Variants in PMPCB observed in about 807,000 individuals in gnomAD.
PMPCB encodes peptidase, mitochondrial processing subunit beta, also known as mitochondrial-processing peptidase subunit beta.
PMPCB carries 46 observed loss-of-function variants against 61.5 expected under a neutral mutation model. The ratio of observed to expected loss-of-function variants is 0.75; its 90% CI spans 0.59 to 0.96. PMPCB has a LOEUF of 0.96. Among genes scored for constraint, PMPCB ranks in the 40% least tolerant of loss-of-function variants. The pLI is 0.00. For missense variants in PMPCB, 590 were observed against 602.4 expected (o/e 0.98, Z 0.22); for synonymous variants, 191 against 201.6 (o/e 0.95, Z 0.44).
chr7:103,298,484 A>G lies in PMPCB; in HGVS notation c.100-84A>G, dbSNP rs1031806316. The G allele has an allele frequency of 2.2e-6, 3 of 1,333,732 alleles. No homozygotes were observed. The East Asian group carries it at 7.0e-5, about 31-fold the overall frequency. 82.6% of individuals were successfully genotyped at this position (1,333,732 alleles called of 1,614,324 possible). The stretch of plus-strand genomic sequence containing the variant: ...CTTTTATAGAGACAGCCTATTTAAA[A>G]TAGATTTGGTTTTAAAAGCAACATT... On this transcript the variant is annotated intron_variant, in intron 1 of 12. Coordinates refer to ENST00000249269, the MANE Select transcript of PMPCB (RefSeq NM_004279.3).
chr7:103,341,625 A>T, the PMPCB span: 1 of 653,416 alleles, frequency 1.5e-6, no homozygotes, highest in Non-Finnish European at 2.5e-6. Context: ...TGCTCTCAAG[A>T]CTTAGTAATA....
At chr7:103,339,763 G>A in the PMPCB span, among the ~76,000 whole-genome samples, 15 of 151,990 alleles carry the variant, frequency 9.9e-5, no homozygotes, top group African/African-American at 3.4e-4. Context: ...CACCATGCCC[G>A]GTCCAGTGTT....
chr7:103,319,684 GAAA>G (rs538091160), downstream of PMPCB: 2 of 1,597,832 alleles, frequency 1.3e-6, no homozygotes, highest in South Asian at 2.2e-5. Flanking sequence ...GTAAGCTAAA[GAAA>G]AAAAAAGAAG....
chr7:103,322,183 A>G, intron 12 of PMPCB: 4 of 893,142 alleles, frequency 4.5e-6, no homozygotes, highest in Non-Finnish European at 6.2e-6. Flanking sequence ...TATTAGGAAA[A>G]AAGGCAACAT....
At chr7:103,317,875 T>C (rs1454038882), downstream of PMPCB, among the ~76,000 whole-genome samples, 1 of 152,158 alleles carries the variant, frequency 6.6e-6, no homozygotes, top group East Asian at 1.9e-4. Context: ...AGTCTCAAAC[T>C]CCTGACCTCA....
downstream of PMPCB, among the ~76,000 whole-genome samples, chr7:103,315,194 A>G (rs954325797): frequency 6.6e-6 from 1 of 150,648 alleles, no homozygotes; most frequent in Non-Finnish European, 1.5e-5. Flanking sequence ...GAGTCTTACT[A>G]TGTTTCCTGG....
intron 12 of PMPCB, among the ~76,000 whole-genome samples, chr7:103,325,627 G>C (rs1424578863): frequency 6.6e-6 from 1 of 152,116 alleles, no homozygotes; most frequent in Non-Finnish European, 1.5e-5. Context: ...TTTCCAGGTG[G>C]AACTCAGGCA....
chr7:103,344,465 G>T, the PMPCB span: 4 of 1,442,328 alleles, frequency 2.8e-6, no homozygotes, highest in Non-Finnish European at 2.9e-6. Context: ...TAGTCGCCAG[G>T]GTCAAGGGTA....
the PMPCB span, among the ~76,000 whole-genome samples, chr7:103,346,675 T>C: frequency 6.6e-6 from 1 of 152,268 alleles, no homozygotes; most frequent in Non-Finnish European, 1.5e-5. Context: ...TTTAGGAATT[T>C]GACACCTCTA....
rs760968571 is a variant in PMPCB at position 103,311,741 on chromosome 7, A to ATATAGG, written c.1240+15_1240+20dup. ...TTGCAGCTTGATGGTAAAAATAAAG[A>ATATAGG]TATAGGTTCTGTTTTCATATGGTTG... is the stretch of plus-strand genomic sequence containing the variant. On this transcript the variant is annotated intron_variant, in intron 10 of 12. Transcript: ENST00000249269. The ATATAGG allele has an allele frequency of 7.6e-5, 123 of 1,610,916 alleles. No homozygotes were observed. The African/African-American group carries it at 1.5e-3, about 20-fold the overall frequency.
chr7:103,303,752 A>G (rs933376850), intron 4 of PMPCB, 90 bp from the exon 5 acceptor site: 1 of 775,844 alleles, frequency 1.3e-6, no homozygotes, highest in African/African-American at 1.7e-5. Flanking sequence ...GTGATGGGTC[A>G]GTGTCATGAT....
the PMPCB span, among the ~76,000 whole-genome samples, chr7:103,342,225 T>C: frequency 2.6e-5 from 4 of 152,146 alleles, no homozygotes; most frequent in South Asian, 8.3e-4. Context: ...AAATCAGTAC[T>C]TTTTTGGGGA....
intron 4 of PMPCB, among the ~76,000 whole-genome samples, chr7:103,303,571 A>G (rs1817504499): frequency 6.6e-6 from 1 of 152,212 alleles, no homozygotes; most frequent in African/African-American, 2.4e-5. Context: ...TAATATGCAA[A>G]TTTCCATAGC....
At chr7:103,316,737 T>C, downstream of PMPCB, 1 of 1,072,286 alleles carries the variant, frequency 9.3e-7, no homozygotes, top group South Asian at 1.5e-5. Context: ...TCTCTGCAAG[T>C]TTCTGTGATA....
chr7:103,342,954 G>A, the PMPCB span, among the ~76,000 whole-genome samples: 4 of 151,632 alleles, frequency 2.6e-5, no homozygotes, highest in Admixed American at 2.0e-4. Flanking sequence ...AAATTGTCAC[G>A]AAGAGCTAGC....
intron 12 of PMPCB, among the ~76,000 whole-genome samples, chr7:103,325,298 G>A (rs182285434): frequency 1.3e-5 from 2 of 152,152 alleles, no homozygotes; most frequent in Admixed American, 6.5e-5. Context: ...ACACAAATTA[G>A]TGGTGGCAGA....
chr7:103,298,371 C>G (rs1048254196), intron 1 of PMPCB, among the ~76,000 whole-genome samples, 197 bp from the exon 2 acceptor site: 61 of 152,184 alleles, frequency 4.0e-4, no homozygotes, highest in Middle Eastern at 3.4e-3. Flanking sequence ...TTTATAAACA[C>G]GTTGCTGGCT....
At chr7:103,305,141 G>A (rs1487682845) in intron 6 of PMPCB, among the ~76,000 whole-genome samples, 2 of 152,098 alleles carry the variant, frequency 1.3e-5, no homozygotes, top group African/African-American at 4.8e-5. Context: ...AACCAACTTC[G>A]TCCTTGTTCA....
intron 12 of PMPCB, chr7:103,322,843 G>A: frequency 5.0e-6 from 7 of 1,394,960 alleles, no homozygotes; most frequent in Non-Finnish European, 7.0e-6. Context: ...TAGATGCTAT[G>A]ACTGGAAAAT....
Sources: allele counts gnomAD v4.1 joint callset (sites outside exome capture counted in the v4.1 genomes callset), GRCh38; gene constraint gnomAD v4.1.1; transcripts MANE v1.5; gene names NCBI Gene and HGNC (gene_info 2026-07-23, HGNC 2026-07-21).